Variants in MAGI2 observed in about 807,000 individuals in gnomAD.
The protein encoded by MAGI2 is membrane associated guanylate kinase, WW and PDZ domain containing 2, also known as membrane-associated guanylate kinase, WW and PDZ domain-containing protein 2.
A neutral mutation model predicts 133.3 loss-of-function variants in MAGI2; 35 were observed. The observed-to-expected ratio is 0.26, with a 90% CI of 0.20 to 0.35. The LOEUF is 0.35. Among genes scored for constraint, MAGI2 ranks in the 10% least tolerant of loss-of-function variants. MAGI2 has a pLI of 1.00. For synonymous variants in MAGI2, 729 were observed against 710.6 expected, an observed-to-expected ratio of 1.03 and a Z score of -0.41; for missense variants, 1,636 against 1,863.4, an observed-to-expected ratio of 0.88 and a Z score of 2.25.
intron 1 of MAGI2, among the ~76,000 whole-genome samples, chr7:79,298,668 A>G (rs1837138957): frequency 6.6e-6 from 1 of 152,270 alleles, no homozygotes; most frequent in Admixed American, 6.5e-5. Flanking sequence ...GTGTCCCCCC[A>G]AAATTCATAT....
chr7:79,166,418 G>A (rs1028723854), intron 1 of MAGI2, among the ~76,000 whole-genome samples: 1 of 152,084 alleles, frequency 6.6e-6, no homozygotes, highest in African/African-American at 2.4e-5. Context: ...GTCGGTGAAT[G>A]TGGAGGAAGA....
At chr7:79,329,485 A>C (rs143608843) in intron 1 of MAGI2, among the ~76,000 whole-genome samples, 1 of 152,380 alleles carries the variant, frequency 6.6e-6, no homozygotes, top group Non-Finnish European at 1.5e-5. Flanking sequence ...AAAGTAAAAT[A>C]ATACAACATA....
At chr7:78,689,458 ATTTG>A (rs1186859916) in intron 2 of MAGI2, among the ~76,000 whole-genome samples, 3 of 152,112 alleles carry the variant, frequency 2.0e-5, no homozygotes, top group African/African-American at 7.2e-5. Context: ...TCCAAGTTTG[ATTTG>A]TTTTTCAAAT....
chr7:78,440,825 T>C (rs1212376514), intron 6 of MAGI2, among the ~76,000 whole-genome samples: 2 of 151,980 alleles, frequency 1.3e-5, no homozygotes, highest in Non-Finnish European at 1.5e-5. Context: ...TGGTAGTGGG[T>C]GCCTGTAGTC....
intron 1 of MAGI2, among the ~76,000 whole-genome samples, chr7:79,152,294 A>C (rs973904273): frequency 6.6e-6 from 1 of 152,194 alleles, no homozygotes. Context: ...AAAACATTTC[A>C]TCTACTTGAC....
At chr7:78,519,952 T>C (rs911790140) in intron 4 of MAGI2, among the ~76,000 whole-genome samples, 6 of 152,220 alleles carry the variant, frequency 3.9e-5, no homozygotes, top group African/African-American at 1.4e-4. Context: ...ACTATCGATG[T>C]AATTCTAATG....
chr7:78,036,940 C>T (rs1439250051), intron 21 of MAGI2, among the ~76,000 whole-genome samples: 2 of 152,124 alleles, frequency 1.3e-5, no homozygotes, highest in Non-Finnish European at 2.9e-5. Flanking sequence ...ATCTTAAGCT[C>T]CTGTAAGGAG....
intron 9 of MAGI2, among the ~76,000 whole-genome samples, chr7:78,342,052 A>T (rs184355535): frequency 3.3e-4 from 51 of 152,310 alleles, no homozygotes; most frequent in Non-Finnish European, 2.9e-5. Context: ...AGTTTTTGCA[A>T]TCTACCCATC....
chr7:79,185,515 C>CTTT (rs1827001005), intron 1 of MAGI2, among the ~76,000 whole-genome samples: 1 of 102,748 alleles, frequency 9.7e-6, no homozygotes, highest in Non-Finnish European at 1.9e-5. Flanking sequence ...CCAATTTGGT[C>CTTT]ATTTTTTTTT....
intron 10 of MAGI2, among the ~76,000 whole-genome samples, chr7:78,213,435 C>G (rs1054642468): frequency 9.9e-5 from 15 of 152,182 alleles, no homozygotes; most frequent in African/African-American, 3.6e-4. Context: ...CAATATTTAT[C>G]AAAAGAGAGA....
chr7:78,984,390 C>A (rs1045121113), intron 2 of MAGI2, among the ~76,000 whole-genome samples: 4 of 151,984 alleles, frequency 2.6e-5, no homozygotes, highest in African/African-American at 9.7e-5. Flanking sequence ...GCCTTTATCA[C>A]CACAGCCTAT....
At chr7:78,927,171 A>G (rs998765243) in intron 2 of MAGI2, among the ~76,000 whole-genome samples, 2 of 151,988 alleles carry the variant, frequency 1.3e-5, no homozygotes, top group Non-Finnish European at 2.9e-5. Context: ...GGAAACCTAG[A>G]GTCTGGTGTC....
intron 1 of MAGI2, among the ~76,000 whole-genome samples, chr7:79,096,939 G>A (rs1460860495): frequency 1.3e-5 from 2 of 152,130 alleles, no homozygotes; most frequent in African/African-American, 4.8e-5. Context: ...TGAATTTTCT[G>A]TAAATGTTAT....
At chr7:78,290,403 T>G (rs907193971) in intron 9 of MAGI2, among the ~76,000 whole-genome samples, 3 of 152,190 alleles carry the variant, frequency 2.0e-5, no homozygotes, top group Non-Finnish European at 4.4e-5. Context: ...CTAACTATCC[T>G]AAATATATAT....
intron 2 of MAGI2, among the ~76,000 whole-genome samples, chr7:78,676,779 A>G (rs576792162): frequency 6.6e-6 from 1 of 152,238 alleles, no homozygotes; most frequent in African/African-American, 2.4e-5. Context: ...TGGATATTAT[A>G]CTAATGCTAG....
chr7:79,009,961 T>TA (rs559684850), intron 1 of MAGI2, among the ~76,000 whole-genome samples: 78 of 152,166 alleles, frequency 5.1e-4, no homozygotes, highest in Non-Finnish European at 9.1e-4. Context: ...AAACACTCAT[T>TA]AAAAAAACTA....
intron 2 of MAGI2, chr7:78,770,911 C>T (rs1825522808): frequency 6.6e-6 from 1 of 152,272 alleles, no homozygotes; most frequent in South Asian, 2.1e-4. Flanking sequence ...TTCCATGGTC[C>T]TCAGTCAGTG....
At chr7:79,183,895 A>C (rs1826836873) in intron 1 of MAGI2, among the ~76,000 whole-genome samples, 1 of 152,004 alleles carries the variant, frequency 6.6e-6, no homozygotes, top group East Asian at 1.9e-4. Context: ...CAGAAAGACA[A>C]ATACTGCATG....
intron 6 of MAGI2, among the ~76,000 whole-genome samples, chr7:78,457,384 C>T (rs557832845): frequency 2.0e-5 from 3 of 152,260 alleles, no homozygotes; most frequent in East Asian, 3.9e-4. Context: ...GGTTCAAATC[C>T]GGGCCTTAGG....
Sources: gnomAD v4.1 joint callset for allele counts (sites outside exome capture counted in the v4.1 genomes callset) on GRCh38, gnomAD v4.1.1 for gene constraint, MANE v1.5 for transcripts, NCBI Gene and HGNC (gene_info 2026-07-23, HGNC 2026-07-21) for gene names.